The following CNOT7 variants were observed in gnomAD, a reference collection of about 807,000 sequenced individuals.
The protein encoded by CNOT7 is BTG1-binding factor 1.
Under a neutral mutation model 37.1 loss-of-function variants are expected in CNOT7, and 4 were observed. The ratio of observed to expected loss-of-function variants is 0.11; its 90% CI spans 0.05 to 0.25. The LOEUF (loss-of-function observed/expected upper bound fraction) is 0.25. Ranked by LOEUF, CNOT7 falls within the 10% of genes least tolerant of loss-of-function variation. CNOT7 has a pLI of 1.00. For missense variants in CNOT7, 170 were observed against 336.2 expected (o/e 0.51, Z 3.87); for synonymous variants, 128 against 115.6 (o/e 1.11, Z -0.69).
rs1438657829 is a variant in CNOT7, at chr8:17,245,261, AAAAC to A, written c.-95-18_-95-15del. ...TTATTTATGTACCTGTCAAAATAAA[AAAAC>A]AATATGAAGACCAGATATATCAAAT... On this transcript the variant is annotated splice_polypyrimidine_tract_variant and intron_variant, in intron 1 of 6. Transcript: ENST00000361272. 5 of 1,182,630 alleles carry A rather than the reference AAAAC, an allele frequency of 4.2e-6. No individual in the cohort carries two copies. The East Asian group carries it at 1.1e-4, about 26-fold the overall frequency. The allele number at this position is 1,182,630 out of a possible 1,614,324, so 73.3% of individuals were successfully genotyped here. A position where few individuals can be genotyped will look rare whatever the true frequency, so the allele number is the denominator to read the frequency against.
At chr8:17,243,263 A>C in intron 2 of CNOT7, 78 bp from the exon 3 acceptor site, 1 of 1,106,290 alleles carries the variant, frequency 9.0e-7, no homozygotes, top group East Asian at 2.4e-5. Flanking sequence ...TTTGATGCAA[A>C]TCAAAGAATC....
chr8:17,241,583 GTTTC>G (rs1810172189), intron 3 of CNOT7: 1 of 152,114 alleles, frequency 6.6e-6, no homozygotes, highest in South Asian at 2.1e-4. Context: ...ATTGCCTACA[GTTTC>G]TTTCACTATT....
At chr8:17,243,553 A>G (rs1249298489) in intron 2 of CNOT7, 1 of 465,688 alleles carries the variant, frequency 2.1e-6, no homozygotes, top group Non-Finnish European at 4.3e-6. Flanking sequence ...GAACTGGTTC[A>G]AAAGAGGGGA....
Position 17,232,445 on chromosome 8 carries a change from G to A in CNOT7, c.711C>T (p.Ala237=), listed in dbSNP as rs746435941. 3 of 1,613,942 alleles carry A rather than the reference G, an allele frequency of 1.9e-6. No individual in the cohort carries two copies. In the South Asian group the frequency reaches 3.3e-5, roughly 18 times the overall value. The change falls in exon 6 of 7, where the codon GCC becomes GCT. Residue 237 remains alanine (A), a synonymous_variant. Coordinates refer to ENST00000361272, the MANE Select transcript of CNOT7 (RefSeq NM_013354.7). The part of the protein sequence containing the change: ...AGSDSLLTGM[A]FFKMREMFFE... Reference sequence around the variant, plus strand: ...TTCATACTTCTCTCATTTTGAAAAAGGCCATTCCTGTGAGCAATGAATCAG... The same window carrying A: ...TTCATACTTCTCTCATTTTGAAAAAAGCCATTCCTGTGAGCAATGAATCAG...
Position 17,246,545 on chromosome 8 carries a change from G to C in CNOT7, c.-96+130C>G, listed in dbSNP as rs180709363. On this transcript the variant is annotated intron_variant, in intron 1 of 6. Transcript: ENST00000361272. ...TACCCAGCCCCCAACCCGCCGCCAG[G>C]CTCCTTCCTCCGCCAGCCGCACTCC... The C allele has an allele frequency of 8.9e-3, 1,366 of 153,912 alleles. 17 individuals are homozygous for C. The highest frequency in any genetic ancestry group is 0.037 in the Middle Eastern group (11 of 300). 9.5% of individuals were successfully genotyped at this position (153,912 alleles called of 1,614,324 possible). A position where few individuals can be genotyped will look rare whatever the true frequency, so the allele number is the denominator to read the frequency against.
In CNOT7 at chr8:17,229,408, A is replaced by G. The variant is rs1350820105; in HGVS notation, c.*1312T>C. On this transcript the variant is annotated 3_prime_UTR_variant, in exon 7 of 7. Coordinates refer to ENST00000361272, the MANE Select transcript of CNOT7 (RefSeq NM_013354.7). ...GACTAACATTTGGAGATTTGCTAAT[A>G]TTACTGATTGAAGTGTAGGTAACAC... 6.6e-6 allele frequency: 1 copy of G among 152,342 alleles called. No homozygotes were observed. The highest frequency in any genetic ancestry group is 1.5e-5 in the Non-Finnish European group (1 of 67,846). 9.4% of individuals were successfully genotyped at this position (152,342 alleles called of 1,614,324 possible).
rs1029012814 is a variant in CNOT7, at chr8:17,227,610, C to G, written c.*3110G>C. On this transcript the variant is annotated 3_prime_UTR_variant, in exon 7 of 7. Transcript: ENST00000361272. ...TTTGGTTGCAGCCTCATTTTTATTA[C>G]TTTTGTGAAATTTTGCTGTGATGTT... The G allele has an allele frequency of 1.3e-5, 2 of 151,862 alleles. No individual in the cohort carries two copies. The highest frequency in any genetic ancestry group is 4.8e-5 in the African/African-American group (2 of 41,420). The allele number at this position is 151,862 out of a possible 1,614,324, so 9.4% of individuals were successfully genotyped here. A position where few individuals can be genotyped will look rare whatever the true frequency, so the allele number is the denominator to read the frequency against.
At chr8:17,237,420 A>C in intron 3 of CNOT7, 47 bp from the exon 4 acceptor site, 1 of 1,578,718 alleles carries the variant, frequency 6.3e-7, no homozygotes, top group Non-Finnish European at 8.7e-7. Context: ...CCATTACTTC[A>C]AACAAGCTGT....
intron 3 of CNOT7, among the ~76,000 whole-genome samples, chr8:17,240,006 C>CT (rs936383617): frequency 6.6e-6 from 1 of 152,210 alleles, no homozygotes; most frequent in African/African-American, 2.4e-5. Flanking sequence ...TTACAAAACA[C>CT]TGAGTTATAA....
At chr8:17,231,803 G>C (rs1808656393) in intron 6 of CNOT7, 1 of 985,834 alleles carries the variant, frequency 1.0e-6, no homozygotes, top group Non-Finnish European at 1.2e-6. Context: ...TCAAGGAACT[G>C]ATCTCTGCCT....
In CNOT7 at chr8:17,246,702, C is replaced by T. The variant is rs763405218; in HGVS notation, c.-123G>A. The stretch of plus-strand genomic sequence containing the variant: ...GTGTCGCTGAGCTCGCGCTCCTCCT[C>T]CTCCTCCTCGCCATAGAGACAGCAC... On this transcript the variant is annotated 5_prime_UTR_variant, in exon 1 of 7. Transcript: ENST00000361272. 246 of 180,294 alleles carry T rather than the reference C, an allele frequency of 1.4e-3. 1 individual carries two copies. The highest frequency in any genetic ancestry group is 1.7e-3 in the Non-Finnish European group (147 of 85,118). 11.2% of individuals were successfully genotyped at this position (180,294 alleles called of 1,614,324 possible).
chr8:17,234,316 T>C (rs1158921982), intron 5 of CNOT7, among the ~76,000 whole-genome samples: 1 of 152,232 alleles, frequency 6.6e-6, no homozygotes, highest in African/African-American at 2.4e-5. Context: ...TAAATACATC[T>C]GCATATCGCT....
At chr8:17,235,520 C>T (rs183294017) in intron 4 of CNOT7, among the ~76,000 whole-genome samples, 52 of 152,228 alleles carry the variant, frequency 3.4e-4, no homozygotes, top group African/African-American at 1.3e-3. Context: ...AAAATAACTA[C>T]TCTCTTGATC....
intron 2 of CNOT7, among the ~76,000 whole-genome samples, chr8:17,244,016 T>A (rs976149275): frequency 3.3e-5 from 5 of 152,166 alleles, no homozygotes; most frequent in African/African-American, 1.2e-4. Context: ...AAACTACCTA[T>A]CAAGTCACTA....
intron 4 of CNOT7, among the ~76,000 whole-genome samples, chr8:17,236,717 A>G (rs1809410320): frequency 6.6e-6 from 1 of 152,162 alleles, no homozygotes; most frequent in Non-Finnish European, 1.5e-5. Flanking sequence ...ATTTTTAAAA[A>G]CTGTCTGCCC....
In CNOT7 at chr8:17,228,565, T is replaced by G. The variant is rs1421211960; in HGVS notation, c.*2155A>C. On this transcript the variant is annotated 3_prime_UTR_variant, in exon 7 of 7. Transcript: ENST00000361272. ...TGGTGCAAAAGCAATACACATTCAG[T>G]AGAAACTATAACCCCATCTTTGGTC... 1 of 151,912 alleles carries G rather than the reference T, an allele frequency of 6.6e-6. No homozygotes were observed. The highest frequency in any genetic ancestry group is 1.5e-5 in the Non-Finnish European group (1 of 67,844). The allele number at this position is 151,912 out of a possible 1,614,324, so 9.4% of individuals were successfully genotyped here.
At chr8:17,231,068 T>G (rs1808537259) in intron 6 of CNOT7, among the ~76,000 whole-genome samples, 1 of 151,972 alleles carries the variant, frequency 6.6e-6, no homozygotes, top group African/African-American at 2.4e-5. Context: ...ACAAAAAAAG[T>G]GTATAAATGC....
chr8:17,240,277 T>C (rs1228214822), intron 3 of CNOT7, among the ~76,000 whole-genome samples: 1 of 152,196 alleles, frequency 6.6e-6, no homozygotes, highest in Non-Finnish European at 1.5e-5. Context: ...CTGCAGCCAG[T>C]GGGCCACATG....
At chr8:17,234,563 T>G (rs1002748227) in intron 5 of CNOT7, 153 bp downstream of exon 5, 3 of 784,818 alleles carry the variant, frequency 3.8e-6, no homozygotes, top group African/African-American at 1.8e-5. Context: ...AAATTATGTA[T>G]GCAAGAAAAA....
Sources: gnomAD v4.1 joint callset for allele counts (sites outside exome capture counted in the v4.1 genomes callset) on GRCh38, gnomAD v4.1.1 for gene constraint, MANE v1.5 for transcripts, NCBI Gene and HGNC (gene_info 2026-07-23, HGNC 2026-07-21) for gene names.